PRKRA: variants seen among roughly 807,000 people sequenced by gnomAD.
The protein encoded by PRKRA is interferon-inducible double-stranded RNA-dependent protein kinase activator A.
A neutral mutation model predicts 32.4 loss-of-function variants in PRKRA; 22 were observed. The ratio of observed to expected loss-of-function variants is 0.68; its 90% CI spans 0.49 to 0.97. The LOEUF (loss-of-function observed/expected upper bound fraction) is 0.97, where lower values mean the gene tolerates loss of function less well. Ranked by LOEUF, PRKRA falls within the 50% of genes least tolerant of loss-of-function variation. The pLI is 0.00. For synonymous variants in PRKRA, 139 were observed against 129.8 expected (o/e 1.07, Z -0.48); for missense variants, 319 against 375.6 (o/e 0.85, Z 1.25).
Position 178,432,257 on chromosome 2 carries a change from G to C in PRKRA, c.785-3C>G. ...TTGTCCATTGGCGCTCAGTTCATCT[G>C]TAATGACACATTCAAGGATGACGAT... is the stretch of plus-strand genomic sequence containing the variant. On this transcript the variant is annotated splice_region_variant and splice_polypyrimidine_tract_variant and intron_variant, in intron 7 of 7. Transcript: ENST00000325748. The C allele has an allele frequency of 8.9e-7, 1 of 1,121,198 alleles. No homozygotes were observed. The highest frequency in any genetic ancestry group is 1.2e-6 in the Non-Finnish European group (1 of 844,342). The allele number at this position is 1,121,198 out of a possible 1,614,324, so 69.5% of individuals were successfully genotyped here.
intron 7 of PRKRA, 126 bp downstream of exon 7, chr2:178,436,019 A>T: frequency 1.2e-6 from 1 of 818,772 alleles, no homozygotes; most frequent in Non-Finnish European, 1.9e-6. Context: ...AATTATATAT[A>T]CTTAGAATCC....
Position 178,432,242 on chromosome 2 carries a change from G to A in PRKRA, c.797C>T (p.Ala266Val). 6.2e-7 allele frequency: 1 copy of A among 1,614,230 alleles called. No homozygotes were observed. Among genetic ancestry groups the A allele is most frequent in the South Asian group, 1.1e-5 (1 of 91,082 alleles). The change falls in exon 8 of 8, where the codon GCC becomes GTC. Residue 266 changes from alanine to valine, a missense_variant. Physicochemically the swap from Ala to Val is moderately conservative, Grantham distance 64. Transcript: ENST00000325748. Reference protein sequence around the residue: ...ITYLDIDELSANGQYQCLAEL... With the variant: ...ITYLDIDELSVNGQYQCLAEL... ...AGCAAGACATTGATATTGTCCATTG[G>A]CGCTCAGTTCATCTGTAATGACACA...
In PRKRA at chr2:178,437,722, G is replaced by C. The variant is rs114081883; in HGVS notation, c.610-1403C>G. ...TTTTCTCATACCCTCACTAATACCA[G>C]CTATTATCAAATTTTGTAGTTTTTG... On this transcript the variant is annotated intron_variant, in intron 6 of 7. Coordinates refer to ENST00000325748, the MANE Select transcript of PRKRA (RefSeq NM_003690.5). Among the ~76,000 whole-genome samples, 947 of 152,150 alleles carry C rather than the reference G, an allele frequency of 6.2e-3. 7 individuals carry two copies. Among genetic ancestry groups the C allele is most frequent in the African/African-American group, 0.022 (893 of 41,490 alleles).
At chr2:178,444,106 G>C in intron 4 of PRKRA, 1 of 264,788 alleles carries the variant, frequency 3.8e-6, no homozygotes, top group South Asian at 5.3e-5. Flanking sequence ...TGTCTCAACA[G>C]AAGTAGAAAG....
intron 7 of PRKRA, among the ~76,000 whole-genome samples, chr2:178,435,254 A>G (rs113727537): frequency 0.057 from 8,685 of 151,484 alleles, 287 homozygotes; most frequent in Non-Finnish European, 0.068. Context: ...TTGGTGGTGG[A>G]TGCCTGTATT....
intron 7 of PRKRA, among the ~76,000 whole-genome samples, chr2:178,435,435 T>C (rs1575087024): frequency 6.7e-6 from 1 of 148,164 alleles, no homozygotes; most frequent in African/African-American, 2.5e-5. Context: ...CACAACTAAT[T>C]AGCTCTATAA....
At chr2:178,450,928 G>A in intron 1 of PRKRA, 38 bp downstream of exon 1, 2 of 1,532,644 alleles carry the variant, frequency 1.3e-6, no homozygotes, top group African/African-American at 2.8e-5. Flanking sequence ...GCCGCCCAAC[G>A]CTCCCGGCCC....
In PRKRA at chr2:178,443,379, C is replaced by T. The variant is rs1305582117; in HGVS notation, c.402G>A (p.Leu134=). 1.3e-6 allele frequency: 2 copies of T among 1,595,864 alleles called. No homozygotes were observed. The highest frequency in any genetic ancestry group is 1.7e-5 in the Admixed American group (1 of 60,000). The part of the protein sequence containing the change: ...QLNPIGSLQE[L]AIHHGWRLPE... ...GAAGTCTCCAGCCATGATGAATAGC[C>T]AATTCCTATAAAATCAAGATGAGGC... Residue 134 remains leucine (L), a synonymous_variant, in exon 5 of 8, where the codon TTG becomes TTA. Transcript: ENST00000325748.
In PRKRA at chr2:178,451,087, C is replaced by A; in HGVS notation, c.-57G>T. ...AGAGCGGTGCGGAGCGACGTGCTCG[C>A]TCCCCGGGTCGCTGGTCCCCGGGAG... On this transcript the variant is annotated 5_prime_UTR_variant, in exon 1 of 8. Coordinates refer to ENST00000325748, the MANE Select transcript of PRKRA (RefSeq NM_003690.5). 1 of 1,519,474 alleles carries A rather than the reference C, an allele frequency of 6.6e-7. No homozygotes were observed. The highest frequency in any genetic ancestry group is 8.8e-7 in the Non-Finnish European group (1 of 1,135,504). 94.1% of individuals were successfully genotyped at this position (1,519,474 alleles called of 1,614,324 possible).
chr2:178,436,713 T>G (rs949037202), intron 6 of PRKRA, among the ~76,000 whole-genome samples: 1 of 151,782 alleles, frequency 6.6e-6, no homozygotes, highest in African/African-American at 2.4e-5. Context: ...ATATCTTTGG[T>G]TTTTTTTGTA....
At chr2:178,446,320 T>C (rs998408361) in intron 3 of PRKRA, among the ~76,000 whole-genome samples, 3 of 152,218 alleles carry the variant, frequency 2.0e-5, no homozygotes, top group African/African-American at 4.8e-5. Context: ...CAGCCTGGCA[T>C]AGATCAATTA....
Position 178,446,920 on chromosome 2 carries a change from G to A in PRKRA, c.317+585C>T, listed in dbSNP as rs113769525. On this transcript the variant is annotated intron_variant, in intron 3 of 7. Coordinates refer to ENST00000325748, the MANE Select transcript of PRKRA (RefSeq NM_003690.5). Reference sequence around the variant, plus strand: ...AGGCAGGAGAATGGCGTGAACCCGGGAGGCGGAGCTTGCAGTGAGCCGAGA... The same window carrying A: ...AGGCAGGAGAATGGCGTGAACCCGGAAGGCGGAGCTTGCAGTGAGCCGAGA... Among the ~76,000 whole-genome samples, 1,038 of 148,724 alleles carry A rather than the reference G, an allele frequency of 7.0e-3. 14 individuals are homozygous for A. Among genetic ancestry groups the A allele is most frequent in the African/African-American group, 0.024 (987 of 40,438 alleles).
chr2:178,447,755 C>T (rs750677020), intron 2 of PRKRA, among the ~76,000 whole-genome samples, 169 bp from the exon 3 acceptor site: 3 of 152,050 alleles, frequency 2.0e-5, no homozygotes, highest in Non-Finnish European at 2.9e-5. Flanking sequence ...ATGTTATATA[C>T]TACATGGTTA....
At position 178,451,098 on chromosome 2, in the gene PRKRA, G is replaced by T; in HGVS notation, c.-68C>A. 6.7e-7 allele frequency: 1 copy of T among 1,501,580 alleles called. No homozygotes were observed. Among genetic ancestry groups the T allele is most frequent in the Non-Finnish European group, 8.9e-7 (1 of 1,123,162 alleles). The allele number at this position is 1,501,580 out of a possible 1,614,324, so 93.0% of individuals were successfully genotyped here. Reference sequence around the variant, plus strand: ...GAGCGACGTGCTCGCTCCCCGGGTCGCTGGTCCCCGGGAGGAGCTCCAGCG... The same window carrying T: ...GAGCGACGTGCTCGCTCCCCGGGTCTCTGGTCCCCGGGAGGAGCTCCAGCG... On this transcript the variant is annotated 5_prime_UTR_variant, in exon 1 of 8. Coordinates refer to ENST00000325748, the MANE Select transcript of PRKRA (RefSeq NM_003690.5).
intron 7 of PRKRA, chr2:178,434,115 CT>C (rs764770659): frequency 1.1e-3 from 156 of 143,384 alleles, no homozygotes; most frequent in Non-Finnish European, 1.1e-3. Context: ...GCCACCTTTT[CT>C]TTTTTTTTTT....
Position 178,443,386 on chromosome 2 carries a change from T to A in PRKRA, c.397-2A>T. ...CCAGCCATGATGAATAGCCAATTCC[T>A]ATAAAATCAAGATGAGGCTTTAATA... is the stretch of plus-strand genomic sequence containing the variant. On this transcript the variant is annotated splice_acceptor_variant, in intron 4 of 7. Transcript: ENST00000325748. LOFTEE classifies it high-confidence loss of function. The A allele has an allele frequency of 1.3e-6, 2 of 1,580,814 alleles. No individual in the cohort carries two copies. Among genetic ancestry groups the A allele is most frequent in the South Asian group, 1.1e-5 (1 of 90,334 alleles).
chr2:178,442,647 T>C (rs543230788), intron 5 of PRKRA, among the ~76,000 whole-genome samples: 9 of 152,218 alleles, frequency 5.9e-5, no homozygotes, highest in Non-Finnish European at 1.2e-4. Flanking sequence ...CAAAGGCAAA[T>C]AGTTTCTTAT....
Position 178,431,968 on chromosome 2 carries a change from G to A in PRKRA, c.*129C>T, listed in dbSNP as rs1696671415. 9.1e-7 allele frequency: 1 copy of A among 1,094,910 alleles called. No individual in the cohort carries two copies. The allele number at this position is 1,094,910 out of a possible 1,614,324, so 67.8% of individuals were successfully genotyped here. On this transcript the variant is annotated 3_prime_UTR_variant, in exon 8 of 8. Transcript: ENST00000325748. ...AACTATGAGGAGATAATTAAATCTG[G>A]AGTGTTGATGGAATCTATGAAGAGA...
chr2:178,445,262 A>C (rs1352870825), intron 3 of PRKRA, among the ~76,000 whole-genome samples: 1 of 152,218 alleles, frequency 6.6e-6, no homozygotes, highest in Non-Finnish European at 1.5e-5. Flanking sequence ...TCAGTACTTA[A>C]AACTGAATAA....
Sources: gnomAD v4.1 joint callset for allele counts (sites outside exome capture counted in the v4.1 genomes callset) on GRCh38, gnomAD v4.1.1 for gene constraint, MANE v1.5 for transcripts, NCBI Gene and HGNC (gene_info 2026-07-23, HGNC 2026-07-21) for gene names.